RIC3: variants seen among roughly 807,000 people sequenced by gnomAD.
RIC3 encodes RIC3 acetylcholine receptor chaperone, also known as protein RIC-3.
In RIC3, 28 loss-of-function variants were observed where a neutral mutation model predicts 27.3. The observed-to-expected ratio is 1.02, with a 90% CI of 0.76 to 1.41. The LOEUF is 1.41. RIC3 is among the 40% of genes most tolerant of loss of function. The pLI is 0.00. For synonymous variants in RIC3, 184 were observed against 160.4 expected (o/e 1.15, Z -1.11); for missense variants, 501 against 444.7 (o/e 1.13, Z -1.14).
At chr11:8,101,470 C>T (rs1157204473), downstream of RIC3, 1 of 1,614,094 alleles carries the variant, frequency 6.2e-7, no homozygotes, top group South Asian at 1.1e-5. Context: ...CTGTCTGTGC[C>T]TGTGCTTGGC....
chr11:8,119,732 A>G lies in RIC3; in HGVS notation c.670+6927T>C, dbSNP rs561031584. Among the ~76,000 whole-genome samples, 1,047 of 152,362 alleles carry G rather than the reference A, an allele frequency of 6.9e-3. 3 individuals carry two copies. The highest frequency in any genetic ancestry group is 0.011 in the Non-Finnish European group (769 of 68,036). ...AACTAAAGAGCTTCTGCACAGCAAA[A>G]GAAACTACCATCAGAGTGAACAGGC... On this transcript the variant is annotated intron_variant, in intron 5 of 5. Transcript: ENST00000309737.
At chr11:8,140,273 T>C (rs1350457100) in intron 1 of RIC3, 80 bp from the exon 2 acceptor site, 2 of 1,297,670 alleles carry the variant, frequency 1.5e-6, no homozygotes, top group Admixed American at 2.6e-5. Flanking sequence ...CATTAAGGTA[T>C]AAAAGAGGCC....
downstream of RIC3, chr11:8,101,556 G>T: frequency 6.2e-7 from 1 of 1,614,254 alleles, no homozygotes; most frequent in Non-Finnish European, 8.5e-7. Context: ...ACTACCCGCT[G>T]TGTGCACTGC....
chr11:8,100,372 A>G, the RIC3 span: 5 of 721,720 alleles, frequency 6.9e-6, no homozygotes, highest in East Asian at 1.1e-4. Flanking sequence ...TGTTAGGTTT[A>G]GAGGGATGTG....
chr11:8,137,396 A>C lies in RIC3; in HGVS notation c.503T>G (p.Val168Gly). 6.2e-7 allele frequency: 1 copy of C among 1,613,850 alleles called. No homozygotes were observed. Among genetic ancestry groups the C allele is most frequent in the Non-Finnish European group, 8.5e-7 (1 of 1,179,916 alleles). ...EAAMEKLINR[V>G]GPNGESRAQT... Reference sequence around the variant, plus strand: ...AACCTACCTCTCACCATTAGGTCCCACTCTGTTGATTAATTTTTCCATGGC... The same window carrying C: ...AACCTACCTCTCACCATTAGGTCCCCCTCTGTTGATTAATTTTTCCATGGC... The change falls in exon 4 of 6, where the codon GTG becomes GGG. Residue 168 changes from valine to glycine, a missense_variant. Transcript: ENST00000309737.
chr11:8,114,778 G>C (rs1270682347), intron 5 of RIC3, among the ~76,000 whole-genome samples: 1 of 150,790 alleles, frequency 6.6e-6, no homozygotes, highest in Non-Finnish European at 1.5e-5. Context: ...ACGAGAGATT[G>C]AAATTATATT....
intron 1 of RIC3, among the ~76,000 whole-genome samples, chr11:8,161,856 G>A (rs1034506242): frequency 2.0e-5 from 3 of 151,900 alleles, no homozygotes; most frequent in Non-Finnish European, 2.9e-5. Context: ...CACTTTCTCC[G>A]GGCAATGGAA....
At chr11:8,145,889 C>T (rs1383104690) in intron 1 of RIC3, among the ~76,000 whole-genome samples, 1 of 152,092 alleles carries the variant, frequency 6.6e-6, no homozygotes, top group East Asian at 1.9e-4. Context: ...TTGACTTGAA[C>T]AAAATTGACA....
chr11:8,161,132 T>C (rs942520959), intron 1 of RIC3, among the ~76,000 whole-genome samples: 1 of 152,176 alleles, frequency 6.6e-6, no homozygotes, highest in Non-Finnish European at 1.5e-5. Flanking sequence ...AATAGTCAAT[T>C]ATGTATTCAT....
chr11:8,124,444 G>A (rs1342335379), intron 5 of RIC3, among the ~76,000 whole-genome samples: 4 of 152,134 alleles, frequency 2.6e-5, no homozygotes, highest in South Asian at 2.1e-4. Context: ...ATTCAATATC[G>A]TTACAGTATT....
At chr11:8,141,979 G>T (rs1034480864) in intron 1 of RIC3, among the ~76,000 whole-genome samples, 321 of 151,176 alleles carry the variant, frequency 2.1e-3, no homozygotes, top group Middle Eastern at 0.02. Flanking sequence ...TGAAACCAAC[G>T]AGAACAAAGA....
intron 1 of RIC3, among the ~76,000 whole-genome samples, chr11:8,145,448 T>C (rs1949582989): frequency 6.6e-6 from 1 of 152,188 alleles, no homozygotes; most frequent in Admixed American, 6.5e-5. Flanking sequence ...TCAATTTGCA[T>C]GTTCTTCAAC....
chr11:8,133,816 TG>T (rs1285190075), intron 4 of RIC3, among the ~76,000 whole-genome samples: 1 of 152,052 alleles, frequency 6.6e-6, no homozygotes. Context: ...TATAGATAGA[TG>T]ATGTACATGG....
chr11:8,102,058 G>C (rs1316925888), downstream of RIC3: 1 of 180,192 alleles, frequency 5.5e-6, no homozygotes, highest in African/African-American at 2.4e-5. Context: ...GGGGCACAGT[G>C]AATGTGTGTA....
At chr11:8,153,900 C>T (rs369183222) in intron 1 of RIC3, among the ~76,000 whole-genome samples, 2 of 152,244 alleles carry the variant, frequency 1.3e-5, no homozygotes, top group East Asian at 3.9e-4. Flanking sequence ...CCTCTGCTAC[C>T]TGTGACACTT....
chr11:8,100,414 T>A, the RIC3 span: 11 of 999,310 alleles, frequency 1.1e-5, 1 homozygote, highest in South Asian at 1.4e-4. Context: ...TGGTGGGAAC[T>A]AGCTCTTCCT....
chr11:8,105,919 G>GT (rs149218730), downstream of RIC3: 5,431 of 152,292 alleles, frequency 0.036, 125 homozygotes, highest in Non-Finnish European at 0.058. Flanking sequence ...GGAGGGTGCA[G>GT]TATCTCTTGC....
chr11:8,099,228 G>A, the RIC3 span, among the ~76,000 whole-genome samples: 10 of 152,058 alleles, frequency 6.6e-5, no homozygotes, highest in Non-Finnish European at 1.3e-4. Context: ...TGGATTACAC[G>A]GCACTTTGTC....
At chr11:8,137,006 A>G (rs959150661) in intron 4 of RIC3, among the ~76,000 whole-genome samples, 4 of 152,186 alleles carry the variant, frequency 2.6e-5, no homozygotes, top group African/African-American at 9.6e-5. Context: ...TCAAAAAAAA[A>G]GCATAATTTT....
Sources: gnomAD v4.1 joint callset for allele counts (sites outside exome capture counted in the v4.1 genomes callset) on GRCh38, gnomAD v4.1.1 for gene constraint, MANE v1.5 for transcripts, NCBI Gene and HGNC (gene_info 2026-07-23, HGNC 2026-07-21) for gene names.